The following SNX29 variants were observed in gnomAD, a reference collection of about 807,000 sequenced individuals.
SNX29 encodes sorting nexin-29.
In SNX29, 78 loss-of-function variants were observed where a neutral mutation model predicts 102.1. That is an observed-to-expected ratio of 0.76 (90% confidence interval 0.64 to 0.92). The LOEUF (loss-of-function observed/expected upper bound fraction) is 0.92. Ranked by LOEUF, SNX29 falls within the 40% of genes least tolerant of loss-of-function variation. The pLI is 0.00. For synonymous variants in SNX29, 580 were observed against 414.5 expected (o/e 1.40, Z -4.85); for missense variants, 1,280 against 1,061.7 (o/e 1.21, Z -2.86).
intron 15 of SNX29, among the ~76,000 whole-genome samples, chr16:12,310,120 G>GTGCA: frequency 6.6e-6 from 1 of 151,848 alleles, no homozygotes; most frequent in East Asian, 2.0e-4. Context: ...ACACGTGCAC[G>GTGCA]CACACATGCA....
intron 20 of SNX29, chr16:12,526,617 C>G (rs538725051): frequency 1.9e-6 from 1 of 533,284 alleles, no homozygotes; most frequent in South Asian, 1.5e-5. Context: ...CTCTTAGCGG[C>G]ATCCCCATGG....
chr16:12,377,676 T>A (rs2082928287), intron 16 of SNX29, among the ~76,000 whole-genome samples: 2 of 152,074 alleles, frequency 1.3e-5, no homozygotes. Flanking sequence ...GTGGTTACGG[T>A]GGTGATGGGA....
intron 11 of SNX29, among the ~76,000 whole-genome samples, chr16:12,094,885 C>A (rs1016515996): frequency 6.6e-6 from 1 of 152,034 alleles, no homozygotes; most frequent in African/African-American, 2.4e-5. Context: ...CCTCTCGCCT[C>A]CTGCATAGGT....
At chr16:12,170,438 C>T (rs991004143) in intron 13 of SNX29, among the ~76,000 whole-genome samples, 1 of 151,836 alleles carries the variant, frequency 6.6e-6, no homozygotes, top group African/African-American at 2.4e-5. Context: ...GTGGGGGAGA[C>T]CACTTAGCCC....
chr16:12,437,651 C>T (rs1459783801), intron 18 of SNX29, among the ~76,000 whole-genome samples: 2 of 152,184 alleles, frequency 1.3e-5, no homozygotes, highest in African/African-American at 4.8e-5. Context: ...CATAGCTGCC[C>T]TCTCCTCCTT....
At chr16:12,482,208 T>C (rs1250380223) in intron 19 of SNX29, among the ~76,000 whole-genome samples, 2 of 152,208 alleles carry the variant, frequency 1.3e-5, no homozygotes, top group East Asian at 3.8e-4. Context: ...GCCTGGACCA[T>C]TGTGGCACAC....
chr16:12,550,192 AAG>A (rs1410068132), intron 20 of SNX29, among the ~76,000 whole-genome samples: 2 of 152,232 alleles, frequency 1.3e-5, no homozygotes, highest in East Asian at 3.8e-4. Flanking sequence ...CATTATTACT[AAG>A]AGGATAAAGC....
chr16:12,391,561 T>C (rs984353206), intron 16 of SNX29, among the ~76,000 whole-genome samples: 3 of 152,162 alleles, frequency 2.0e-5, no homozygotes, highest in African/African-American at 7.2e-5. Flanking sequence ...CCACTTAGAG[T>C]CTACCATTAA....
chr16:12,066,396 G>A (rs968439297), intron 9 of SNX29, among the ~76,000 whole-genome samples: 3 of 152,134 alleles, frequency 2.0e-5, no homozygotes, highest in Admixed American at 6.5e-5. Context: ...TGGGTGCCGT[G>A]CTCTTGTGAG....
intron 3 of SNX29, among the ~76,000 whole-genome samples, chr16:12,012,821 T>C (rs2056697498): frequency 6.6e-6 from 1 of 152,112 alleles, no homozygotes; most frequent in Admixed American, 6.6e-5. Flanking sequence ...CACTGTCTAC[T>C]CTGGTCTGGT....
chr16:12,566,999 A>G (rs2079038661), intron 20 of SNX29, among the ~76,000 whole-genome samples: 1 of 152,256 alleles, frequency 6.6e-6, no homozygotes, highest in Non-Finnish European at 1.5e-5. Context: ...GGAAAGGTGC[A>G]ACGCAAAGTA....
intron 13 of SNX29, among the ~76,000 whole-genome samples, chr16:12,173,546 G>T (rs2076196119): frequency 6.6e-6 from 1 of 152,114 alleles, no homozygotes; most frequent in Non-Finnish European, 1.5e-5. Context: ...GTATCTTTTG[G>T]CTCCAAATTC....
chr16:12,382,572 T>TGATGTTAGCTGCC (rs2083206911), intron 16 of SNX29, among the ~76,000 whole-genome samples: 1 of 152,256 alleles, frequency 6.6e-6, no homozygotes, highest in Non-Finnish European at 1.5e-5. Context: ...TGCGGTTACC[T>TGATGTTAGCTGCC]GATGTTAGCT....
chr16:12,523,748 C>G (rs547371338), intron 19 of SNX29, among the ~76,000 whole-genome samples: 4 of 152,316 alleles, frequency 2.6e-5, no homozygotes, highest in African/African-American at 9.6e-5. Flanking sequence ...TGAGGGGGTT[C>G]TGGATCACAG....
At chr16:12,463,179 G>A (rs74776832) in intron 18 of SNX29, among the ~76,000 whole-genome samples, 9,693 of 152,254 alleles carry the variant, frequency 0.064, 678 homozygotes, top group East Asian at 0.22. Context: ...GGGTGGAGGC[G>A]GAGGCACTTT....
intron 5 of SNX29, among the ~76,000 whole-genome samples, chr16:12,044,106 C>A (rs941452124): frequency 6.6e-6 from 1 of 152,156 alleles, no homozygotes; most frequent in Non-Finnish European, 1.5e-5. Context: ...TGTTTTGTGT[C>A]CTTGAGTGAT....
intron 11 of SNX29, among the ~76,000 whole-genome samples, chr16:12,111,708 G>A (rs2053508371): frequency 6.6e-6 from 1 of 152,190 alleles, no homozygotes; most frequent in African/African-American, 2.4e-5. Context: ...AATGGTGTGG[G>A]TAGCAGGTGG....
intron 20 of SNX29, among the ~76,000 whole-genome samples, chr16:12,554,546 G>C (rs1460010948): frequency 6.6e-6 from 1 of 152,172 alleles, no homozygotes; most frequent in Non-Finnish European, 1.5e-5. Context: ...ACGTTTTTGT[G>C]AACTTGTTCA....
intron 14 of SNX29, among the ~76,000 whole-genome samples, chr16:12,236,135 CT>C (rs1471638876): frequency 6.6e-6 from 1 of 152,130 alleles, no homozygotes; most frequent in Non-Finnish European, 1.5e-5. Context: ...GATTTTATAT[CT>C]GTTTTCCCAC....
Sources: allele counts gnomAD v4.1 joint callset (sites outside exome capture counted in the v4.1 genomes callset), GRCh38; gene constraint gnomAD v4.1.1; transcripts MANE v1.5; gene names NCBI Gene and HGNC (gene_info 2026-07-23, HGNC 2026-07-21).